Variants in AUTS2 observed in about 807,000 individuals in gnomAD.
AUTS2 encodes the protein activator of transcription and developmental regulator AUTS2, also known as autism susceptibility gene 2 protein.
AUTS2 carries 17 observed loss-of-function variants against 112.4 expected under a neutral mutation model. The observed-to-expected ratio is 0.15, with a 90% CI of 0.10 to 0.23. AUTS2 has a LOEUF of 0.23. AUTS2 is among the 10% of genes least tolerant of loss of function. AUTS2 has a pLI of 1.00. For missense variants in AUTS2, 1,510 were observed against 1,701.6 expected, an observed-to-expected ratio of 0.89 and a Z score of 1.98; for synonymous variants, 751 against 702.7, an observed-to-expected ratio of 1.07 and a Z score of -1.09.
intron 1 of AUTS2, among the ~76,000 whole-genome samples, chr7:69,777,450 G>T (rs1287882563): frequency 6.6e-6 from 1 of 152,128 alleles, no homozygotes; most frequent in Non-Finnish European, 1.5e-5. Context: ...CCAGGTCCTG[G>T]TGGAAGCAGC....
chr7:69,742,095 G>T (rs1001453772), intron 1 of AUTS2, among the ~76,000 whole-genome samples: 4 of 148,984 alleles, frequency 2.7e-5, no homozygotes, highest in Non-Finnish European at 4.4e-5. Flanking sequence ...AGCCACTGGT[G>T]CCCAGCCTAT....
chr7:69,886,723 C>T (rs1177233999), intron 1 of AUTS2, among the ~76,000 whole-genome samples: 1 of 150,544 alleles, frequency 6.6e-6, no homozygotes, highest in Non-Finnish European at 1.5e-5. Flanking sequence ...AGTCACATAT[C>T]AAGAGTTCTC....
intron 4 of AUTS2, among the ~76,000 whole-genome samples, chr7:70,221,193 C>A (rs1811467026): frequency 1.3e-5 from 2 of 152,208 alleles, no homozygotes. Flanking sequence ...CAGGCATGAG[C>A]CACCACACCT....
intron 5 of AUTS2, among the ~76,000 whole-genome samples, chr7:70,460,182 C>G (rs1796903753): frequency 6.6e-6 from 1 of 152,044 alleles, no homozygotes; most frequent in African/African-American, 2.4e-5. Flanking sequence ...GCTGCATCTT[C>G]TCTCTGATTC....
intron 4 of AUTS2, among the ~76,000 whole-genome samples, chr7:70,429,126 T>G (rs1795547667): frequency 6.6e-6 from 1 of 152,258 alleles, no homozygotes; most frequent in Admixed American, 6.5e-5. Context: ...TAGTGTTTCT[T>G]GTACTTTCTC....
intron 1 of AUTS2, among the ~76,000 whole-genome samples, chr7:69,683,612 C>A (rs565061875): frequency 6.6e-6 from 1 of 151,536 alleles, no homozygotes; most frequent in Non-Finnish European, 1.5e-5. Context: ...AACCAAAAAA[C>A]GAGACTGGGC....
chr7:70,559,808 G>GC (rs1563041232), intron 5 of AUTS2, among the ~76,000 whole-genome samples: 1 of 152,022 alleles, frequency 6.6e-6, no homozygotes, highest in East Asian at 1.9e-4. Context: ...ATCCACCTCT[G>GC]CCCCCCATTC....
At chr7:69,847,834 A>G (rs1792278888) in intron 1 of AUTS2, among the ~76,000 whole-genome samples, 1 of 152,198 alleles carries the variant, frequency 6.6e-6, no homozygotes, top group Non-Finnish European at 1.5e-5. Context: ...CTGGCACTTC[A>G]TCTGTCGCCT....
intron 2 of AUTS2, among the ~76,000 whole-genome samples, chr7:69,994,591 C>T (rs1049033695): frequency 8.5e-5 from 13 of 152,132 alleles, no homozygotes; most frequent in Non-Finnish European, 1.3e-4. Context: ...GTTCAACATA[C>T]ACTTTGGAAA....
chr7:69,814,251 C>G (rs1048673619), intron 1 of AUTS2, among the ~76,000 whole-genome samples: 8 of 152,196 alleles, frequency 5.3e-5, no homozygotes, highest in African/African-American at 1.9e-4. Context: ...AAAGCTGAAC[C>G]ACGTCATTTG....
chr7:70,282,391 T>C (rs1252205415), intron 4 of AUTS2, among the ~76,000 whole-genome samples: 1 of 152,170 alleles, frequency 6.6e-6, no homozygotes, highest in Non-Finnish European at 1.5e-5. Context: ...GAAATTTATT[T>C]CTGACAGTTG....
intron 1 of AUTS2, among the ~76,000 whole-genome samples, chr7:69,714,905 T>C (rs1463763452): frequency 6.6e-6 from 1 of 150,954 alleles, no homozygotes; most frequent in Non-Finnish European, 1.5e-5. Flanking sequence ...TCAGCATACT[T>C]TATATATATA....
intron 1 of AUTS2, among the ~76,000 whole-genome samples, chr7:69,837,691 G>A (rs190320052): frequency 6.6e-6 from 1 of 152,288 alleles, no homozygotes; most frequent in East Asian, 1.9e-4. Flanking sequence ...TTCATCAAGA[G>A]GCGTCATGTT....
intron 4 of AUTS2, among the ~76,000 whole-genome samples, chr7:70,417,431 G>A (rs970164707): frequency 6.6e-6 from 1 of 152,202 alleles, no homozygotes. Context: ...GAAGCACAGC[G>A]AGGCAATTTC....
intron 1 of AUTS2, among the ~76,000 whole-genome samples, chr7:69,686,684 T>C (rs1797080768): frequency 6.6e-6 from 1 of 152,204 alleles, no homozygotes; most frequent in Admixed American, 6.5e-5. Context: ...TTAAGAAACA[T>C]GGCCCGGGTT....
intron 14 of AUTS2, among the ~76,000 whole-genome samples, chr7:70,779,878 A>C (rs565221506): frequency 8.2e-4 from 125 of 152,268 alleles, no homozygotes; most frequent in African/African-American, 2.7e-3. Context: ...GTCTCTACCA[A>C]AATGAAAAAA....
At chr7:70,420,284 A>G (rs1795164253) in intron 4 of AUTS2, among the ~76,000 whole-genome samples, 1 of 152,172 alleles carries the variant, frequency 6.6e-6, no homozygotes, top group Non-Finnish European at 1.5e-5. Context: ...CCATTGGTTT[A>G]CAGTGAAGTT....
chr7:70,113,825 A>G (rs1348137191), intron 2 of AUTS2, among the ~76,000 whole-genome samples: 2 of 152,248 alleles, frequency 1.3e-5, no homozygotes, highest in Non-Finnish European at 2.9e-5. Context: ...GGGATAGCCC[A>G]GCTCACAAAT....
intron 1 of AUTS2, among the ~76,000 whole-genome samples, chr7:69,890,686 T>TA (rs1794479956): frequency 7.2e-6 from 1 of 138,570 alleles, no homozygotes; most frequent in South Asian, 2.3e-4. Context: ...AACTGGCTGT[T>TA]AAAAATGAAA....
Sources: gnomAD v4.1 joint callset for allele counts (sites outside exome capture counted in the v4.1 genomes callset) on GRCh38, gnomAD v4.1.1 for gene constraint, MANE v1.5 for transcripts, NCBI Gene and HGNC (gene_info 2026-07-23, HGNC 2026-07-21) for gene names.